Variants in PROKR2 observed in about 807,000 individuals in gnomAD.
PROKR2 encodes the protein G protein-coupled receptor 73-like 1.
In PROKR2, 26 loss-of-function variants were observed where a neutral mutation model predicts 23.4. The ratio of observed to expected loss-of-function variants is 1.11; its 90% CI spans 0.81 to 1.54. The LOEUF (loss-of-function observed/expected upper bound fraction) is 1.54. PROKR2 is among the 40% of genes most tolerant of loss of function. PROKR2 has a pLI of 0.00. For missense variants in PROKR2, 453 were observed against 511.5 expected (o/e 0.89, Z 1.10); for synonymous variants, 212 against 201.2 (o/e 1.05, Z -0.45).
chr20:5,302,641 G>T lies in PROKR2; in HGVS notation c.554C>A (p.Ala185Asp). The T allele has an allele frequency of 1.2e-6, 2 of 1,614,148 alleles. No homozygotes were observed. Among genetic ancestry groups the T allele is most frequent in the Non-Finnish European group, 1.7e-6 (2 of 1,180,010 alleles). Residue 185 changes from alanine to aspartate, a missense_variant, in exon 3 of 3, where the codon GCC (alanine) becomes GAC (aspartate). Physicochemically the swap from Ala to Asp is moderately radical, Grantham distance 126 (BLOSUM62 -2). Coordinates refer to ENST00000678254, the MANE Select transcript of PROKR2 (RefSeq NM_144773.4). ...ALVWMVSILI[A>D]IPSAYFATET... ...TGTTGCAAAGTAAGCCGATGGGATG[G>T]CAATGAGAATGGACACCATCCAGAC...
chr20:5,312,297 G>A (rs555744521), intron 2 of PROKR2, among the ~76,000 whole-genome samples: 57 of 152,258 alleles, frequency 3.7e-4, no homozygotes, highest in Non-Finnish European at 6.6e-4. Context: ...AGTAGAGAAG[G>A]GGTTTCACCA....
At chr20:5,305,444 A>G (rs1404619183) in intron 2 of PROKR2, among the ~76,000 whole-genome samples, 1 of 152,230 alleles carries the variant, frequency 6.6e-6, no homozygotes. Context: ...ACAAATACAT[A>G]CAGGAGTCGT....
intron 2 of PROKR2, among the ~76,000 whole-genome samples, chr20:5,308,198 C>CA (rs1979296793): frequency 9.0e-6 from 1 of 110,704 alleles, no homozygotes. Context: ...ACAGGCCCCC[C>CA]CCCCTCAAAA....
chr20:5,303,555 C>T (rs774288824), intron 2 of PROKR2, among the ~76,000 whole-genome samples: 21 of 152,202 alleles, frequency 1.4e-4, no homozygotes. Flanking sequence ...ATGAGCCACA[C>T]TGTCTTGGAG....
chr20:5,309,008 C>A (rs1401834450), intron 2 of PROKR2, among the ~76,000 whole-genome samples: 1 of 152,184 alleles, frequency 6.6e-6, no homozygotes, highest in Non-Finnish European at 1.5e-5. Flanking sequence ...GCTGGCTGCA[C>A]CCTAGCTAGG....
At chr20:5,303,118 C>T (rs1038430132) in intron 2 of PROKR2, among the ~76,000 whole-genome samples, 5 of 152,158 alleles carry the variant, frequency 3.3e-5, no homozygotes, top group Non-Finnish European at 7.4e-5. Context: ...GTATAGTAGG[C>T]GTTCAATAAA....
rs780762004 is a variant in PROKR2 at position 5,302,079 on chromosome 20, C to A, written c.1116G>T (p.Val372=). The change falls in exon 3 of 3, where the codon GTG becomes GTT. Residue 372 remains valine (V), a synonymous_variant. Transcript: ENST00000678254. ...TACAGTCCACCTCTTCTGTGGTGGG[C>A]ACCCCGTTGGTTCTGAGGTCAAGGT... ...SADLDLRTNG[V]PTTEEVDCIR... The A allele has an allele frequency of 4.5e-5, 72 of 1,614,004 alleles. 1 individual carries two copies. The South Asian group carries it at 7.4e-4, about 16-fold the overall frequency.
In PROKR2 at chr20:5,301,185, GTCT is replaced by G. The variant is rs1174618246; in HGVS notation, c.*852_*854del. On this transcript the variant is annotated 3_prime_UTR_variant, in exon 3 of 3. Coordinates refer to ENST00000678254, the MANE Select transcript of PROKR2 (RefSeq NM_144773.4). ...CGTTACATTTCCATTGTGTCTAAGAGTCTTCTTCTATAGCCGTTGGTTGTTGTT... is the reference window on the plus strand; with the variant it reads ...CGTTACATTTCCATTGTGTCTAAGAGTCTTCTATAGCCGTTGGTTGTTGTT... Among the ~76,000 whole-genome samples the G allele has an allele frequency of 4.6e-5, 7 of 151,360 alleles. No individual in the cohort carries two copies. Among genetic ancestry groups the G allele is most frequent in the South Asian group, 2.1e-4 (1 of 4,794 alleles).
At chr20:5,312,537 G>A (rs1326323267) in intron 2 of PROKR2, among the ~76,000 whole-genome samples, 13 of 152,098 alleles carry the variant, frequency 8.5e-5, no homozygotes, top group East Asian at 3.9e-4. Flanking sequence ...TAGCAAAATC[G>A]TTTTTCCTGC....
At chr20:5,315,963 C>A in intron 1 of PROKR2, 3 of 456,550 alleles carry the variant, frequency 6.6e-6, no homozygotes, top group Non-Finnish European at 1.3e-5. Flanking sequence ...GGGAGCGACC[C>A]GTTCCAGCAG....
chr20:5,309,023 T>C (rs1979334022), intron 2 of PROKR2, among the ~76,000 whole-genome samples: 1 of 152,154 alleles, frequency 6.6e-6, no homozygotes, highest in African/African-American at 2.4e-5. Context: ...GCTAGGTATA[T>C]TAATATGCAC....
chr20:5,316,856 G>C lies in PROKR2; in HGVS notation c.-371C>G, dbSNP rs1457550613. ...CCACCGCGTGCTCTCGGGCTGGTGC[G>C]TCCAGGGCGCGGGCACCGTAGCTCC... On this transcript the variant is annotated 5_prime_UTR_variant, in exon 1 of 3. Coordinates refer to ENST00000678254, the MANE Select transcript of PROKR2 (RefSeq NM_144773.4). The surrounding 1 kb of genome is among the most constrained non-coding windows in gnomAD (Gnocchi z 5.0). Among the ~76,000 whole-genome samples, 1 of 152,244 alleles carries C rather than the reference G, an allele frequency of 6.6e-6. No individual in the cohort carries two copies. Among genetic ancestry groups the C allele is most frequent in the Non-Finnish European group, 1.5e-5 (1 of 68,044 alleles).
chr20:5,307,391 A>G (rs1207527144), intron 2 of PROKR2, among the ~76,000 whole-genome samples: 2 of 152,188 alleles, frequency 1.3e-5, no homozygotes, highest in African/African-American at 4.8e-5. Context: ...GCCTGGATAT[A>G]ATCACTCTAT....
In PROKR2 at chr20:5,314,028, G is replaced by T; in HGVS notation, c.342C>A (p.Tyr114Ter). 2 of 1,614,204 alleles carry T rather than the reference G, an allele frequency of 1.2e-6. No individual in the cohort carries two copies. The highest frequency in any genetic ancestry group is 2.2e-5 in the East Asian group (1 of 44,884). ...GCTCCCAGGAGAGCTGCCGTACCAC[G>T]TAGTAGTCCATCTCGAAGGGGCAGC... Reference protein sequence around the residue: ...IICCPFEMDYYVVRQLSWEHG... With the variant: ...IICCPFEMDY The change falls in exon 2 of 3, where the codon TAC becomes TAA. Residue 114 changes from tyrosine (Y) to a stop codon, truncating the protein, a stop_gained. Coordinates refer to ENST00000678254, the MANE Select transcript of PROKR2 (RefSeq NM_144773.4). LOFTEE classifies it high-confidence loss of function.
At chr20:5,313,273 A>C (rs6085088) in intron 2 of PROKR2, among the ~76,000 whole-genome samples, 7 of 152,110 alleles carry the variant, frequency 4.6e-5, no homozygotes, top group African/African-American at 1.4e-4. Flanking sequence ...GCACACCAAC[A>C]TATGCAGAAA....
In PROKR2 at chr20:5,314,217, T is replaced by A. The variant is rs1209359490; in HGVS notation, c.153A>T (p.Ala51=). The A allele has an allele frequency of 1.2e-6, 2 of 1,614,098 alleles. No individual in the cohort carries two copies. Among genetic ancestry groups the A allele is most frequent in the Non-Finnish European group, 1.7e-6 (2 of 1,180,044 alleles). ...EDMTKTRTFF[A]AKIVIGIALA... ...GTGCAATGCCAATGACGATCTTGGC[T>A]GCGAAGAAGGTCCGGGTCTTGGTCA... Residue 51 remains alanine, a synonymous_variant, in exon 2 of 3, where the codon GCA becomes GCT. Transcript: ENST00000678254.
At chr20:5,304,708 C>T (rs1979151691) in intron 2 of PROKR2, among the ~76,000 whole-genome samples, 2 of 152,158 alleles carry the variant, frequency 1.3e-5, no homozygotes, top group Non-Finnish European at 1.5e-5. Context: ...TGCTATAAAA[C>T]AGGGACCAAA....
chr20:5,315,093 C>T (rs1293993184), intron 1 of PROKR2, among the ~76,000 whole-genome samples: 1 of 152,100 alleles, frequency 6.6e-6, no homozygotes, highest in African/African-American at 2.4e-5. Context: ...TTCCTGCTGC[C>T]CAGTCCAGTG....
At position 5,302,404 on chromosome 20, in the gene PROKR2, C is replaced by T. The variant is rs772609927; in HGVS notation, c.791G>A (p.Arg264His). The T allele has an allele frequency of 1.5e-5, 24 of 1,614,208 alleles. No homozygotes were observed. Among genetic ancestry groups the T allele is most frequent in the South Asian group, 4.4e-5 (4 of 91,082 alleles). Residue 264 changes from arginine (R) to histidine (H), a missense_variant, in exon 3 of 3, where the codon CGC becomes CAC. Physicochemically the swap from Arg to His is conservative, Grantham distance 29 (BLOSUM62 0). Coordinates refer to ENST00000678254, the MANE Select transcript of PROKR2 (RefSeq NM_144773.4). ...CTTCCTGCGGCAGCGCAGCCGCTTG[C>T]GAATCTGCTCCGTCTGGAACCCAGG... ...AVPGFQTEQI[R>H]KRLRCRRKTV...
Sources: gnomAD v4.1 joint callset for allele counts (sites outside exome capture counted in the v4.1 genomes callset) on GRCh38, gnomAD v4.1.1 for gene constraint, Gnocchi (gnomAD v3.1) non-coding constraint, MANE v1.5 for transcripts, NCBI Gene and HGNC (gene_info 2026-07-23, HGNC 2026-07-21) for gene names.